Variants in SNTG1 observed in about 807,000 individuals in gnomAD.
The protein encoded by SNTG1 is syntrophin gamma 1.
A neutral mutation model predicts 74.7 loss-of-function variants in SNTG1; 39 were observed. That is an observed-to-expected ratio of 0.52 (90% CI 0.40 to 0.68). The LOEUF (loss-of-function observed/expected upper bound fraction) is 0.68. SNTG1 is among the 30% of genes least tolerant of loss of function. The pLI is 0.00. For synonymous variants in SNTG1, 254 were observed against 217.1 expected, an observed-to-expected ratio of 1.17 and a Z score of -1.49; for missense variants, 685 against 609.5, an observed-to-expected ratio of 1.12 and a Z score of -1.30.
intron 8 of SNTG1, among the ~76,000 whole-genome samples, chr8:50,484,873 A>G (rs2093776848): frequency 1.3e-5 from 2 of 152,036 alleles, no homozygotes; most frequent in South Asian, 2.1e-4. Context: ...AAAAAAAAGA[A>G]AAAAGAAAAG....
chr8:50,174,872 C>G (rs1181039246), intron 2 of SNTG1, among the ~76,000 whole-genome samples: 1 of 135,014 alleles, frequency 7.4e-6, no homozygotes, highest in Admixed American at 7.7e-5. Context: ...TCCCCCCACC[C>G]CACAACAGTC....
intron 1 of SNTG1, among the ~76,000 whole-genome samples, chr8:50,085,043 T>C (rs773949120): frequency 1.3e-5 from 2 of 152,204 alleles, no homozygotes; most frequent in Non-Finnish European, 2.9e-5. Flanking sequence ...ATGTTTGTAG[T>C]TTAAGTGCAC....
intron 12 of SNTG1, among the ~76,000 whole-genome samples, chr8:50,557,082 G>A (rs550848327): frequency 1.3e-5 from 2 of 152,108 alleles, no homozygotes; most frequent in East Asian, 3.9e-4. Flanking sequence ...TATAACCTTG[G>A]GCCCTTTCTG....
intron 15 of SNTG1, among the ~76,000 whole-genome samples, chr8:50,664,145 A>G (rs188577419): frequency 9.8e-5 from 15 of 152,304 alleles, no homozygotes; most frequent in Admixed American, 3.3e-4. Flanking sequence ...GAGAAAAACA[A>G]AAGCAAAAAC....
intron 10 of SNTG1, among the ~76,000 whole-genome samples, chr8:50,535,934 A>T (rs2094304003): frequency 6.6e-6 from 1 of 152,196 alleles, no homozygotes; most frequent in Admixed American, 6.5e-5. Context: ...TGTTGGTGTG[A>T]TGAAGAAATT....
chr8:50,758,940 A>G (rs537938934), intron 18 of SNTG1, among the ~76,000 whole-genome samples: 2 of 152,114 alleles, frequency 1.3e-5, no homozygotes, highest in East Asian at 3.9e-4. Context: ...TCCCATCAAC[A>G]TTGAAAAGCG....
intron 1 of SNTG1, among the ~76,000 whole-genome samples, chr8:50,125,468 G>A (rs1204335210): frequency 7.0e-6 from 1 of 142,164 alleles, no homozygotes; most frequent in African/African-American, 2.5e-5. Context: ...ATTTATGAGT[G>A]TGTCACATGG....
intron 12 of SNTG1, among the ~76,000 whole-genome samples, chr8:50,556,683 T>C (rs2094457361): frequency 6.6e-6 from 1 of 152,174 alleles, no homozygotes; most frequent in Non-Finnish European, 1.5e-5. Context: ...ATATTTGGCA[T>C]AATATATAAG....
chr8:49,922,979 C>T (rs1377740179), intron 1 of SNTG1, among the ~76,000 whole-genome samples: 3 of 152,100 alleles, frequency 2.0e-5, no homozygotes, highest in African/African-American at 7.2e-5. Flanking sequence ...TTAATTACTG[C>T]TATTTCCTGC....
chr8:50,014,974 A>C (rs1816173314), intron 1 of SNTG1, among the ~76,000 whole-genome samples: 1 of 151,870 alleles, frequency 6.6e-6, no homozygotes, highest in Non-Finnish European at 1.5e-5. Context: ...ACAAAAACTC[A>C]TGAGCATGCA....
chr8:50,292,691 A>G (rs1387068590), intron 2 of SNTG1, among the ~76,000 whole-genome samples: 1 of 152,154 alleles, frequency 6.6e-6, no homozygotes, highest in African/African-American at 2.4e-5. Context: ...AGTTGAGATG[A>G]AGATGACCAG....
At chr8:50,761,404 G>C (rs919997289) in intron 18 of SNTG1, among the ~76,000 whole-genome samples, 1 of 151,908 alleles carries the variant, frequency 6.6e-6, no homozygotes, top group Non-Finnish European at 1.5e-5. Flanking sequence ...TAGCTGGCCT[G>C]TGCCTCTGAA....
At chr8:49,930,825 A>C (rs1807513131) in intron 1 of SNTG1, among the ~76,000 whole-genome samples, 1 of 152,212 alleles carries the variant, frequency 6.6e-6, no homozygotes, top group South Asian at 2.1e-4. Flanking sequence ...ATAAGATATT[A>C]GTAAGAACAC....
At chr8:50,507,502 A>T (rs1018104197) in intron 9 of SNTG1, among the ~76,000 whole-genome samples, 3 of 151,958 alleles carry the variant, frequency 2.0e-5, no homozygotes, top group African/African-American at 7.2e-5. Context: ...CAATTTCCTT[A>T]CTAGTTCTAT....
chr8:50,075,113 G>A (rs1204124062), intron 1 of SNTG1, among the ~76,000 whole-genome samples: 1 of 152,310 alleles, frequency 6.6e-6, no homozygotes, highest in Non-Finnish European at 1.5e-5. Context: ...TAGGACTCAG[G>A]GCCTGCAGCC....
intron 2 of SNTG1, among the ~76,000 whole-genome samples, chr8:50,319,467 G>T (rs899550332): frequency 1.3e-5 from 2 of 152,132 alleles, no homozygotes; most frequent in African/African-American, 4.8e-5. Context: ...TAGTTTTTTA[G>T]GGAAGTCTTT....
chr8:50,726,389 C>A (rs899476201), intron 17 of SNTG1, among the ~76,000 whole-genome samples: 2 of 152,092 alleles, frequency 1.3e-5, no homozygotes, highest in African/African-American at 4.8e-5. Flanking sequence ...AAACATAAAA[C>A]GAGACATGAA....
intron 1 of SNTG1, among the ~76,000 whole-genome samples, chr8:50,122,123 G>A (rs2081016253): frequency 1.4e-5 from 2 of 140,270 alleles, no homozygotes; most frequent in East Asian, 4.1e-4. Context: ...CTGCCATACA[G>A]ATACACACAC....
chr8:50,123,666 T>C (rs2131366835), intron 1 of SNTG1, among the ~76,000 whole-genome samples: 1 of 142,912 alleles, frequency 7.0e-6, no homozygotes, highest in East Asian at 2.0e-4. Flanking sequence ...TTCATGTATA[T>C]GCAAAGCACA....
Sources: gnomAD v4.1 joint callset for allele counts (sites outside exome capture counted in the v4.1 genomes callset) on GRCh38, gnomAD v4.1.1 for gene constraint, MANE v1.5 for transcripts, NCBI Gene and HGNC (gene_info 2026-07-23, HGNC 2026-07-21) for gene names.